The following RASGRF1 variants were observed in gnomAD, a reference collection of about 807,000 sequenced individuals.
RASGRF1 encodes the protein Ras protein specific guanine nucleotide releasing factor 1.
In RASGRF1, 40 loss-of-function variants were observed where a neutral mutation model predicts 138.7. The observed-to-expected ratio is 0.29, with a 90% CI of 0.22 to 0.38. The LOEUF (loss-of-function observed/expected upper bound fraction) is 0.38, where lower values mean the gene tolerates loss of function less well. Ranked by LOEUF, RASGRF1 falls within the 10% of genes least tolerant of loss-of-function variation. The pLI, the probability that RASGRF1 is intolerant of heterozygous loss-of-function variation, is 1.00. For missense variants in RASGRF1, 1,108 were observed against 1,650.4 expected, an observed-to-expected ratio of 0.67 and a Z score of 5.69; for synonymous variants, 614 against 663.2, an observed-to-expected ratio of 0.93 and a Z score of 1.14.
At chr15:79,003,723 C>G in intron 15 of RASGRF1, 79 bp downstream of exon 15, 1 of 1,513,848 alleles carries the variant, frequency 6.6e-7, no homozygotes, top group Non-Finnish European at 8.8e-7. Flanking sequence ...GAAGAGCAGC[C>G]CTGAGGCCTT....
At chr15:78,994,554 G>A (rs183897855) in intron 20 of RASGRF1, among the ~76,000 whole-genome samples, 1 of 152,212 alleles carries the variant, frequency 6.6e-6, no homozygotes, top group East Asian at 1.9e-4. Flanking sequence ...ATCCCCAGCC[G>A]CTGTGATGCA....
At chr15:79,036,766 G>C (rs948664568) in intron 5 of RASGRF1, among the ~76,000 whole-genome samples, 1 of 152,034 alleles carries the variant, frequency 6.6e-6, no homozygotes, top group Non-Finnish European at 1.5e-5. Context: ...TAGCAAGAGA[G>C]AGAAAGGGGT....
At chr15:78,995,855 C>T (rs2056381183) in intron 19 of RASGRF1, 55 bp from the exon 20 acceptor site, 9 of 1,581,878 alleles carry the variant, frequency 5.7e-6, no homozygotes, top group Non-Finnish European at 6.1e-6. Flanking sequence ...AGCAGCCCCT[C>T]CCCAGCTCGG....
intron 20 of RASGRF1, among the ~76,000 whole-genome samples, chr15:78,995,469 A>G (rs1268974096): frequency 6.6e-6 from 1 of 150,758 alleles, no homozygotes; most frequent in Non-Finnish European, 1.5e-5. Flanking sequence ...TTGTATTTTT[A>G]GTAGAAATGG....
intron 19 of RASGRF1, 57 bp from the exon 20 acceptor site, chr15:78,995,857 C>A: frequency 6.4e-7 from 1 of 1,561,986 alleles, no homozygotes; most frequent in East Asian, 2.2e-5. Flanking sequence ...CAGCCCCTCC[C>A]CAGCTCGGAC....
intron 5 of RASGRF1, among the ~76,000 whole-genome samples, chr15:79,037,297 T>G (rs1484538324): frequency 6.6e-6 from 1 of 151,938 alleles, no homozygotes; most frequent in Non-Finnish European, 1.5e-5. Flanking sequence ...GGGAGCCATA[T>G]TTGGCAGCCA....
At chr15:78,982,720 G>A (rs975946025) in intron 23 of RASGRF1, among the ~76,000 whole-genome samples, 2 of 152,020 alleles carry the variant, frequency 1.3e-5, no homozygotes, top group African/African-American at 4.8e-5. Context: ...AGGACTTCTG[G>A]CTGGACAAGA....
rs531567483 is a variant in RASGRF1 at position 78,977,053 on chromosome 15, C to T, written c.3494+3567G>A. On this transcript the variant is annotated intron_variant, in intron 24 of 26. Transcript: ENST00000558480. ...AACTGGATGTTTCTTTCCACCAAGA[C>T]GCTCCTGATGATGTTAAATGGAATA... is the stretch of plus-strand genomic sequence containing the variant. Among the ~76,000 whole-genome samples the T allele has an allele frequency of 1.0e-3, 155 of 152,336 alleles. 1 individual carries two copies. Among genetic ancestry groups the T allele is most frequent in the African/African-American group, 3.2e-3 (135 of 41,578 alleles).
At chr15:79,002,554 C>T (rs898718261) in intron 15 of RASGRF1, among the ~76,000 whole-genome samples, 2 of 152,196 alleles carry the variant, frequency 1.3e-5, no homozygotes, top group Non-Finnish European at 2.9e-5. Flanking sequence ...TACACATACA[C>T]ACACATATAC....
At chr15:79,019,068 CGTGTGT>C (rs147205114) in intron 11 of RASGRF1, among the ~76,000 whole-genome samples, 8 of 151,236 alleles carry the variant, frequency 5.3e-5, no homozygotes, top group African/African-American at 1.9e-4. Context: ...TGCATGAGGG[CGTGTGT>C]GTGTGTGTGT....
rs1395715760 is a variant in RASGRF1, at chr15:78,973,537, C to A, written c.3495-117G>T. On this transcript the variant is annotated intron_variant, in intron 24 of 26. Coordinates refer to ENST00000558480, the MANE Select transcript of RASGRF1 (RefSeq NM_001145648.3). This position sits in a 1 kb window ranked among gnomAD's most constrained non-coding sequence, Gnocchi z 4.9. Reference sequence around the variant, plus strand: ...CTAGAGGCAAAGGGACTTGCAGTCACCAAGAATCACACTACACTCTAGAAC... The same window carrying A: ...CTAGAGGCAAAGGGACTTGCAGTCAACAAGAATCACACTACACTCTAGAAC... 2 of 723,090 alleles carry A rather than the reference C, an allele frequency of 2.8e-6. No individual in the cohort carries two copies. The highest frequency in any genetic ancestry group is 5.3e-5 in the East Asian group (2 of 37,804). The allele number at this position is 723,090 out of a possible 1,614,324, so 44.8% of individuals were successfully genotyped here.
intron 23 of RASGRF1, chr15:78,981,036 C>T (rs2141623912): frequency 4.8e-6 from 1 of 209,922 alleles, no homozygotes; most frequent in Admixed American, 5.9e-5. Flanking sequence ...AGCCTGCGCT[C>T]AGAGCAGGAA....
Position 78,978,220 on chromosome 15 carries a change from GTTTTT to G in RASGRF1, c.3494+2395_3494+2399del, listed in dbSNP as rs71148584. On this transcript the variant is annotated intron_variant, in intron 24 of 26. Transcript: ENST00000558480. ...CTTCTTTTTCTTTTTCTTTTCTTTT[GTTTTT>G]TTTTTTTTTTTTTTTTTTTGAGACA... Among the ~76,000 whole-genome samples, 2 of 125,098 alleles carry G rather than the reference GTTTTT, an allele frequency of 1.6e-5. 1 individual carries two copies. The highest frequency in any genetic ancestry group is 8.1e-5 in the African/African-American group (2 of 24,780). 82.1% of individuals were successfully genotyped at this position (125,098 alleles called of 152,430 possible). A position where few individuals can be genotyped will look rare whatever the true frequency, so the allele number is the denominator to read the frequency against.
intron 9 of RASGRF1, 41 bp from the exon 10 acceptor site, chr15:79,025,515 G>A (rs371591852): frequency 1.0e-5 from 16 of 1,584,300 alleles, no homozygotes; most frequent in Non-Finnish European, 1.3e-5. Flanking sequence ...ATCTCCTGGG[G>A]TGACCTTTGC....
chr15:78,994,780 A>G (rs866226385), intron 20 of RASGRF1, among the ~76,000 whole-genome samples: 4 of 152,018 alleles, frequency 2.6e-5, no homozygotes, highest in Middle Eastern at 6.3e-3. Flanking sequence ...CTGCACTCCA[A>G]CTTCTGGGGA....
intron 19 of RASGRF1, among the ~76,000 whole-genome samples, chr15:78,997,473 C>A (rs1011069535): frequency 6.6e-6 from 1 of 152,168 alleles, no homozygotes; most frequent in Admixed American, 6.5e-5. Flanking sequence ...TGGCTCATGC[C>A]TGTAATCCCA....
rs1234168425 is a variant in RASGRF1 at position 79,073,343 on chromosome 15, C to T, written c.277-8817G>A. 6.6e-6 allele frequency among the ~76,000 whole-genome samples: 1 copy of T among 152,144 alleles called. No homozygotes were observed. The highest frequency in any genetic ancestry group is 1.5e-5 in the Non-Finnish European group (1 of 68,036). On this transcript the variant is annotated intron_variant, in intron 1 of 26. Transcript: ENST00000558480. This position sits in a 1 kb window ranked among gnomAD's most constrained non-coding sequence, Gnocchi z 4.2. Reference sequence around the variant, plus strand: ...CCTGTGGGGAAGCTGGGCTGGGGCTCTTCCCTTAACTGGACTGGAGCCAGG... The same window carrying T: ...CCTGTGGGGAAGCTGGGCTGGGGCTTTTCCCTTAACTGGACTGGAGCCAGG...
rs973719645 is a variant in RASGRF1 at position 79,032,631 on chromosome 15, C to T, written c.959-315G>A. On this transcript the variant is annotated intron_variant, in intron 6 of 26. Transcript: ENST00000558480. This position sits in a 1 kb window ranked among gnomAD's most constrained non-coding sequence, Gnocchi z 4.5. ...GCGCTGTGGGGTGCCACCTGGATCC[C>T]CCCAGCTGCCAGGAGTGCTGGTGGC... 6.6e-6 allele frequency among the ~76,000 whole-genome samples: 1 copy of T among 152,144 alleles called. No homozygotes were observed. The highest frequency in any genetic ancestry group is 2.4e-5 in the African/African-American group (1 of 41,430).
At chr15:78,989,995 C>T in intron 22 of RASGRF1, 194 bp downstream of exon 22, 1 of 610,574 alleles carries the variant, frequency 1.6e-6, no homozygotes, top group South Asian at 2.0e-5. Flanking sequence ...CCATGGTCAG[C>T]CCCACTTAAT....
Sources: allele counts gnomAD v4.1 joint callset (sites outside exome capture counted in the v4.1 genomes callset), GRCh38; gene constraint gnomAD v4.1.1; non-coding constraint Gnocchi (gnomAD v3.1); transcripts MANE v1.5; gene names NCBI Gene and HGNC (gene_info 2026-07-23, HGNC 2026-07-21).